Variants in FBXO32 observed in about 807,000 individuals in gnomAD.
FBXO32 encodes the protein F-box only protein 32.
Under a neutral mutation model 48.3 loss-of-function variants are expected in FBXO32, and 15 were observed. The ratio of observed to expected loss-of-function variants is 0.31; its 90% confidence interval spans 0.21 to 0.48. The LOEUF (loss-of-function observed/expected upper bound fraction) is 0.48. Ranked by LOEUF, FBXO32 falls within the 20% of genes least tolerant of loss-of-function variation. FBXO32 has a pLI of 0.99. For missense variants in FBXO32, 309 were observed against 432.7 expected, an observed-to-expected ratio of 0.71 and a Z score of 2.54; for synonymous variants, 154 against 165.9, an observed-to-expected ratio of 0.93 and a Z score of 0.55.
At chr8:123,528,905 G>GTT (rs1817144916) in intron 4 of FBXO32, among the ~76,000 whole-genome samples, 1 of 152,016 alleles carries the variant, frequency 6.6e-6, no homozygotes, top group Non-Finnish European at 1.5e-5. Context: ...AGTAATCATT[G>GTT]TAGCATTTAA....
chr8:123,521,699 T>C, intron 4 of FBXO32, among the ~76,000 whole-genome samples: 1 of 151,850 alleles, frequency 6.6e-6, no homozygotes, highest in East Asian at 1.9e-4. Flanking sequence ...ATCCCCAAAT[T>C]CCTTATCTCG....
At chr8:123,520,845 T>C (rs959567706) in intron 4 of FBXO32, among the ~76,000 whole-genome samples, 3 of 152,334 alleles carry the variant, frequency 2.0e-5, no homozygotes, top group African/African-American at 7.2e-5. Flanking sequence ...CTCCCTGATC[T>C]GGTTTCTACC....
intron 6 of FBXO32, among the ~76,000 whole-genome samples, chr8:123,511,895 C>A (rs1298254996): frequency 6.6e-6 from 1 of 152,126 alleles, no homozygotes; most frequent in African/African-American, 2.4e-5. Flanking sequence ...AGAAAAATCC[C>A]AGTCAGTCAG....
chr8:123,517,475 A>AT (rs201723783), intron 4 of FBXO32, among the ~76,000 whole-genome samples: 1 of 114,512 alleles, frequency 8.7e-6, no homozygotes, highest in Non-Finnish European at 1.9e-5. Context: ...AGTCCCCCCT[A>AT]CCTTTTTTTT....
intron 4 of FBXO32, among the ~76,000 whole-genome samples, chr8:123,526,056 ACTT>A (rs1188385831): frequency 1.3e-5 from 2 of 151,984 alleles, no homozygotes; most frequent in African/African-American, 4.8e-5. Flanking sequence ...GTGTTTATAA[ACTT>A]CTTACTACAC....
At chr8:123,519,684 CCA>C (rs1319293052) in intron 4 of FBXO32, among the ~76,000 whole-genome samples, 2 of 152,180 alleles carry the variant, frequency 1.3e-5, no homozygotes, top group Admixed American at 1.3e-4. Flanking sequence ...TTTGGGTAAA[CCA>C]CAGAGTCTAC....
At chr8:123,534,886 A>G in intron 1 of FBXO32, 72 bp from the exon 2 acceptor site, 1 of 885,402 alleles carries the variant, frequency 1.1e-6, no homozygotes, top group Non-Finnish European at 1.8e-6. Context: ...TCTATAAATA[A>G]CTCACTGAGT....
intron 4 of FBXO32, among the ~76,000 whole-genome samples, chr8:123,521,793 C>G (rs1816961634): frequency 6.6e-6 from 1 of 152,100 alleles, no homozygotes; most frequent in African/African-American, 2.4e-5. Context: ...CGAGTCCCAG[C>G]CTCAAGCAGC....
At position 123,540,428 on chromosome 8, in the gene FBXO32, A is replaced by T. The variant is rs914694236; in HGVS notation, c.116+471T>A. On this transcript the variant is annotated intron_variant, in intron 1 of 8. Transcript: ENST00000517956. The surrounding 1 kb of genome is among the most constrained non-coding windows in gnomAD (Gnocchi z 6.4). ...AGGGCCTGGAAGCGCTCCAGGCGGG[A>T]CCTTCGTCGGATCCCGTCACCTGTC... 6.6e-6 allele frequency among the ~76,000 whole-genome samples: 1 copy of T among 152,112 alleles called. No homozygotes were observed. The highest frequency in any genetic ancestry group is 1.5e-5 in the Non-Finnish European group (1 of 68,014).
chr8:123,540,657 C>A lies in FBXO32; in HGVS notation c.116+242G>T, dbSNP rs768195284. Among the ~76,000 whole-genome samples the A allele has an allele frequency of 1.3e-5, 2 of 152,232 alleles. No individual in the cohort carries two copies. The highest frequency in any genetic ancestry group is 2.9e-5 in the Non-Finnish European group (2 of 68,046). Reference sequence around the variant, plus strand: ...CAGACTCTCAGAGGGACCAGGTGTTCTGTAAGGAGTCGTGTCCACTTGGAG... The same window carrying A: ...CAGACTCTCAGAGGGACCAGGTGTTATGTAAGGAGTCGTGTCCACTTGGAG... On this transcript the variant is annotated intron_variant, in intron 1 of 8. Coordinates refer to ENST00000517956, the MANE Select transcript of FBXO32 (RefSeq NM_058229.4). The surrounding 1 kb of genome is among the most constrained non-coding windows in gnomAD (Gnocchi z 6.4).
intron 6 of FBXO32, among the ~76,000 whole-genome samples, chr8:123,509,657 G>C (rs1816698467): frequency 6.6e-6 from 1 of 152,154 alleles, no homozygotes; most frequent in Non-Finnish European, 1.5e-5. Flanking sequence ...CTAGGACCAT[G>C]CCACTGCACT....
At chr8:123,538,277 C>T (rs1024204552) in intron 1 of FBXO32, among the ~76,000 whole-genome samples, 1 of 151,966 alleles carries the variant, frequency 6.6e-6, no homozygotes, top group Non-Finnish European at 1.5e-5. Flanking sequence ...TTGGTCAACA[C>T]GAAACAATAA....
intron 2 of FBXO32, 93 bp from the exon 3 acceptor site, chr8:123,533,333 T>A: frequency 8.8e-7 from 1 of 1,132,372 alleles, no homozygotes; most frequent in Non-Finnish European, 1.3e-6. Flanking sequence ...TTTTAAAAGT[T>A]TTGACAAAAA....
Position 123,513,433 on chromosome 8 carries a change from G to T in FBXO32, c.467-51C>A. 1 of 1,456,954 alleles carries T rather than the reference G, an allele frequency of 6.9e-7. No homozygotes were observed. The highest frequency in any genetic ancestry group is 9.5e-7 in the Non-Finnish European group (1 of 1,054,260). 90.3% of individuals were successfully genotyped at this position (1,456,954 alleles called of 1,614,324 possible). On this transcript the variant is annotated intron_variant, in intron 5 of 8. Transcript: ENST00000517956. The surrounding 1 kb of genome is among the most constrained non-coding windows in gnomAD (Gnocchi z 4.3). Reference sequence around the variant, plus strand: ...TAAAGTTATGATACTGGAACACCCTGTATTTTACACATGAGCTTGTCTCTG... The same window carrying T: ...TAAAGTTATGATACTGGAACACCCTTTATTTTACACATGAGCTTGTCTCTG...
intron 4 of FBXO32, among the ~76,000 whole-genome samples, chr8:123,523,447 G>A (rs186364202): frequency 1.8e-4 from 28 of 152,120 alleles, no homozygotes; most frequent in African/African-American, 6.3e-4. Flanking sequence ...TAAATTAGCC[G>A]GGCATGGTGG....
chr8:123,523,698 GA>G (rs1028359086), intron 4 of FBXO32, among the ~76,000 whole-genome samples: 9 of 151,518 alleles, frequency 5.9e-5, no homozygotes, highest in East Asian at 1.9e-4. Flanking sequence ...GAGTCATTAA[GA>G]AAAAAAAATT....
intron 4 of FBXO32, among the ~76,000 whole-genome samples, chr8:123,527,836 T>C (rs942799611): frequency 6.6e-6 from 1 of 152,170 alleles, no homozygotes; most frequent in Non-Finnish European, 1.5e-5. Flanking sequence ...AGAAGTAAAA[T>C]GATTGATTTG....
chr8:123,539,513 T>C (rs944728815), intron 1 of FBXO32, among the ~76,000 whole-genome samples: 12 of 152,320 alleles, frequency 7.9e-5, no homozygotes, highest in African/African-American at 2.9e-4. Flanking sequence ...TAAACTCCCC[T>C]GGGACAGCCT....
chr8:123,514,473 A>C (rs1442920141), intron 4 of FBXO32, 140 bp from the exon 5 acceptor site: 1 of 522,966 alleles, frequency 1.9e-6, no homozygotes, highest in Non-Finnish European at 3.3e-6. Context: ...ATGCAATAAA[A>C]AGCAGATGCT....
Sources: gnomAD v4.1 joint callset for allele counts (sites outside exome capture counted in the v4.1 genomes callset) on GRCh38, gnomAD v4.1.1 for gene constraint, Gnocchi (gnomAD v3.1) non-coding constraint, MANE v1.5 for transcripts, NCBI Gene and HGNC (gene_info 2026-07-23, HGNC 2026-07-21) for gene names.